The following LINGO1 variants were observed in gnomAD, a reference collection of about 807,000 sequenced individuals.
LINGO1 encodes leucine-rich repeat and immunoglobulin-like domain-containing nogo receptor-interacting protein 1.
LINGO1 carries 11 observed loss-of-function variants against 37.3 expected under a neutral mutation model. The ratio of observed to expected loss-of-function variants is 0.29; its 90% CI spans 0.19 to 0.49. The LOEUF (loss-of-function observed/expected upper bound fraction) is 0.49. LINGO1 is among the 20% of genes least tolerant of loss of function. LINGO1 has a pLI of 0.99. For missense variants in LINGO1, 585 were observed against 878.2 expected, an observed-to-expected ratio of 0.67 and a Z score of 4.22; for synonymous variants, 387 against 403.0, an observed-to-expected ratio of 0.96 and a Z score of 0.48.
intron 3 of LINGO1, among the ~76,000 whole-genome samples, chr15:77,665,332 T>G (rs546988124): frequency 3.3e-5 from 5 of 152,298 alleles, no homozygotes; most frequent in Non-Finnish European, 1.5e-5. Context: ...CTTTGCCCTG[T>G]ACCCTGACAG....
At chr15:77,772,529 C>T (rs2076596038) in intron 1 of LINGO1, among the ~76,000 whole-genome samples, 2 of 152,132 alleles carry the variant, frequency 1.3e-5, no homozygotes, top group Admixed American at 6.5e-5. Context: ...GCCAACCTGA[C>T]ACCTTGGCTT....
chr15:77,614,516 T>C lies in LINGO1; in HGVS notation c.1391A>G (p.His464Arg). Residue 464 changes from histidine to arginine, a missense_variant, in exon 2 of 2, where the codon CAC becomes CGC. By Grantham distance (29) the His-to-Arg change is conservative. Transcript: ENST00000355300. ...PAILWLSPRK[H>R]LVSAKSNGRL... ...CCCATTGCTCTTGGCTGAGACCAGG[T>C]GCTTTCGGGGTGAGAGCCAGAGGAT... The C allele has an allele frequency of 1.2e-6, 2 of 1,610,804 alleles. No homozygotes were observed. Among genetic ancestry groups the C allele is most frequent in the South Asian group, 2.2e-5 (2 of 91,014 alleles).
chr15:77,626,045 G>T (rs1373212000), intron 1 of LINGO1, among the ~76,000 whole-genome samples: 1 of 152,190 alleles, frequency 6.6e-6, no homozygotes, highest in East Asian at 1.9e-4. Flanking sequence ...ACCTGCCTGA[G>T]GTCCTGAGCT....
chr15:77,703,537 C>A (rs1042327296), intron 2 of LINGO1, among the ~76,000 whole-genome samples: 1 of 152,142 alleles, frequency 6.6e-6, no homozygotes. Context: ...AGGCCTACAG[C>A]AGGAGGGGTG....
chr15:77,678,446 T>C (rs995747768), intron 2 of LINGO1, among the ~76,000 whole-genome samples: 1 of 152,262 alleles, frequency 6.6e-6, no homozygotes, highest in Non-Finnish European at 1.5e-5. Context: ...CCTCTGAGTC[T>C]GGTTTCGTTC....
chr15:77,780,788 A>G (rs1172137369), intron 1 of LINGO1, among the ~76,000 whole-genome samples: 1 of 148,738 alleles, frequency 6.7e-6, no homozygotes, highest in Non-Finnish European at 1.5e-5. Context: ...CACCCCCACC[A>G]TGTGAGGACA....
chr15:77,638,681 C>G (rs2074442639), upstream of LINGO1, among the ~76,000 whole-genome samples: 1 of 152,166 alleles, frequency 6.6e-6, no homozygotes, highest in Non-Finnish European at 1.5e-5. Context: ...TCGAAAGGTG[C>G]CCAGCATCAG....
At chr15:77,718,449 C>T (rs149548753) in intron 2 of LINGO1, among the ~76,000 whole-genome samples, 5 of 151,100 alleles carry the variant, frequency 3.3e-5, no homozygotes, top group Non-Finnish European at 5.9e-5. Context: ...AGCTCACACA[C>T]GCCCATGTGT....
intron 1 of LINGO1, among the ~76,000 whole-genome samples, chr15:77,735,391 A>G (rs2076194394): frequency 6.6e-6 from 1 of 152,240 alleles, no homozygotes; most frequent in South Asian, 2.1e-4. Context: ...CGGAAGCCAC[A>G]GTTCTCTGGT....
chr15:77,763,057 C>G lies in LINGO1; in HGVS notation c.-257+23812G>C. 1.3e-5 allele frequency among the ~76,000 whole-genome samples: 2 copies of G among 152,170 alleles called. 1 individual carries two copies. On this transcript the variant is annotated intron_variant, in intron 1 of 3. Coordinates refer to the LINGO1 transcript ENST00000561686. ...CGAGAAAGGGAGGTGCCCACCCCGCCCTCGCCCGGCTGGTGGAAGATGCAG... is the reference window on the plus strand; with the variant it reads ...CGAGAAAGGGAGGTGCCCACCCCGCGCTCGCCCGGCTGGTGGAAGATGCAG...
At chr15:77,647,296 G>A (rs2074655115) in intron 3 of LINGO1, among the ~76,000 whole-genome samples, 1 of 151,992 alleles carries the variant, frequency 6.6e-6, no homozygotes, top group Non-Finnish European at 1.5e-5. Context: ...GGATGAAAGG[G>A]TCAGTCTGCC....
At chr15:77,818,960 G>A (rs2077071866) in intron 1 of LINGO1, among the ~76,000 whole-genome samples, 1 of 150,962 alleles carries the variant, frequency 6.6e-6, no homozygotes, top group African/African-American at 2.4e-5. Context: ...AAGCGCCTCC[G>A]TCCCCACCCC....
chr15:77,729,597 G>A (rs1019771217), intron 2 of LINGO1, among the ~76,000 whole-genome samples: 3 of 152,112 alleles, frequency 2.0e-5, no homozygotes, highest in African/African-American at 7.2e-5. Flanking sequence ...GAGTTGGCCA[G>A]CCCTCTGACC....
rs183473587 is a variant in LINGO1 at position 77,809,890 on chromosome 15, C to T, written c.-458+10368G>A. Among the ~76,000 whole-genome samples, 18 of 152,284 alleles carry T rather than the reference C, an allele frequency of 1.2e-4. No homozygotes were observed. The East Asian group carries it at 2.7e-3, about 23-fold the overall frequency. Reference sequence around the variant, plus strand: ...AGGTGGCTTCCTCTCCTTCCCCAACCGCAGAGAACAGACAGGCTTGCTGTG... The same window carrying T: ...AGGTGGCTTCCTCTCCTTCCCCAACTGCAGAGAACAGACAGGCTTGCTGTG... On this transcript the variant is annotated intron_variant, in intron 1 of 5. Transcript: ENST00000562933.
rs572942389 is a variant in LINGO1, at chr15:77,816,587, C to A, written c.-458+3671G>T. On this transcript the variant is annotated intron_variant, in intron 1 of 5. Transcript: ENST00000562933. Reference sequence around the variant, plus strand: ...GGGGAGGGAAATTAAGGGGGTCACACTGGGCACTGCTCCCTCCCAGTCAGG... The same window carrying A: ...GGGGAGGGAAATTAAGGGGGTCACAATGGGCACTGCTCCCTCCCAGTCAGG... 4.8e-4 allele frequency among the ~76,000 whole-genome samples: 73 copies of A among 152,300 alleles called. 3 individuals are homozygous for A. The South Asian group carries it at 0.015, about 31-fold the overall frequency.
intron 1 of LINGO1, among the ~76,000 whole-genome samples, chr15:77,744,078 C>A (rs1010325601): frequency 2.0e-5 from 3 of 152,190 alleles, no homozygotes; most frequent in African/African-American, 4.8e-5. Flanking sequence ...GTGGGCAGAG[C>A]CTGCCTCAAC....
intron 1 of LINGO1, among the ~76,000 whole-genome samples, chr15:77,747,909 G>A (rs1221814018): frequency 6.6e-6 from 1 of 152,222 alleles, no homozygotes; most frequent in Non-Finnish European, 1.5e-5. Context: ...GAGGGTGGGT[G>A]GGTGGTACCA....
chr15:77,621,917 C>T (rs1037208339), intron 1 of LINGO1, among the ~76,000 whole-genome samples: 3 of 152,338 alleles, frequency 2.0e-5, no homozygotes, highest in African/African-American at 7.2e-5. Flanking sequence ...CCTGCACACA[C>T]AGGCATGCGA....
chr15:77,750,414 C>G (rs1159772671), intron 1 of LINGO1, among the ~76,000 whole-genome samples: 1 of 152,232 alleles, frequency 6.6e-6, no homozygotes, highest in Non-Finnish European at 1.5e-5. Flanking sequence ...ACACACACAG[C>G]CGCCCACACG....
Sources: gnomAD v4.1 joint callset for allele counts (sites outside exome capture counted in the v4.1 genomes callset) on GRCh38, gnomAD v4.1.1 for gene constraint, MANE v1.5 for transcripts, NCBI Gene and HGNC (gene_info 2026-07-23, HGNC 2026-07-21) for gene names.